Variants in ASCC3 observed in about 807,000 individuals in gnomAD.
ASCC3 encodes activating signal cointegrator 1 complex subunit 3.
Under a neutral mutation model 256.3 loss-of-function variants are expected in ASCC3, and 158 were observed. The ratio of observed to expected loss-of-function variants is 0.62; its 90% CI spans 0.54 to 0.70. The LOEUF (loss-of-function observed/expected upper bound fraction) is 0.70. Ranked by LOEUF, ASCC3 falls within the 30% of genes least tolerant of loss-of-function variation. The pLI is 0.00. For synonymous variants in ASCC3, 948 were observed against 883.4 expected (o/e 1.07, Z -1.30); for missense variants, 2,259 against 2,626.0 (o/e 0.86, Z 3.05).
chr6:100,527,826 CTTCT>C (rs1774659701), intron 37 of ASCC3, among the ~76,000 whole-genome samples: 1 of 151,564 alleles, frequency 6.6e-6, no homozygotes, highest in African/African-American at 2.4e-5. Context: ...ACACACACAT[CTTCT>C]TTGTTTTTTT....
At chr6:100,770,702 T>A (rs1320200345) in intron 8 of ASCC3, among the ~76,000 whole-genome samples, 2 of 152,006 alleles carry the variant, frequency 1.3e-5, no homozygotes, top group Non-Finnish European at 2.9e-5. Flanking sequence ...CAATGAAATA[T>A]CTGAAAGCAA....
intron 4 of ASCC3, among the ~76,000 whole-genome samples, chr6:100,820,277 A>G (rs1562320545): frequency 1.5e-5 from 2 of 132,374 alleles, no homozygotes; most frequent in Admixed American, 8.1e-5. Context: ...AGAGTGTAGT[A>G]CCAGCATGAG....
At chr6:100,817,943 CAT>C (rs1228788450) in intron 4 of ASCC3, among the ~76,000 whole-genome samples, 2 of 152,194 alleles carry the variant, frequency 1.3e-5, no homozygotes, top group African/African-American at 4.8e-5. Flanking sequence ...ATCAGATAAA[CAT>C]ATCACCAGAA....
chr6:100,774,704 T>A (rs986415467), intron 8 of ASCC3, among the ~76,000 whole-genome samples: 1 of 152,010 alleles, frequency 6.6e-6, no homozygotes, highest in African/African-American at 2.4e-5. Context: ...GTCTTGCTGG[T>A]CTTGCTCAGA....
intron 37 of ASCC3, among the ~76,000 whole-genome samples, chr6:100,534,009 G>A (rs1353626200): frequency 6.6e-6 from 1 of 152,216 alleles, no homozygotes; most frequent in Admixed American, 6.5e-5. Context: ...AGGGCTGGGC[G>A]TGGTGGCTCA....
At chr6:100,614,343 G>T (rs1270047570) in intron 30 of ASCC3, among the ~76,000 whole-genome samples, 1 of 152,052 alleles carries the variant, frequency 6.6e-6, no homozygotes, top group Non-Finnish European at 1.5e-5. Flanking sequence ...ACAAATATAA[G>T]ATCAGATTTT....
chr6:100,732,961 T>C (rs1414410817), intron 10 of ASCC3, among the ~76,000 whole-genome samples: 2 of 151,992 alleles, frequency 1.3e-5, no homozygotes, highest in African/African-American at 4.8e-5. Flanking sequence ...CTAACAACAT[T>C]AGAAAAAAGA....
At chr6:100,583,750 C>G (rs1433035373) in intron 36 of ASCC3, among the ~76,000 whole-genome samples, 1 of 152,120 alleles carries the variant, frequency 6.6e-6, no homozygotes, top group Non-Finnish European at 1.5e-5. Context: ...CCTCTACACA[C>G]TGCTTTGAAT....
intron 10 of ASCC3, among the ~76,000 whole-genome samples, chr6:100,761,471 G>A (rs1305906871): frequency 6.6e-6 from 1 of 152,210 alleles, no homozygotes; most frequent in East Asian, 1.9e-4. Context: ...CTTGGTGACA[G>A]AGTGAGACCT....
intron 4 of ASCC3, among the ~76,000 whole-genome samples, chr6:100,809,181 A>G (rs1394520107): frequency 1.3e-5 from 2 of 151,896 alleles, no homozygotes; most frequent in Non-Finnish European, 2.9e-5. Flanking sequence ...TTCAAAAAAA[A>G]AAATAGTATT....
chr6:100,776,079 T>G (rs4571568), intron 8 of ASCC3, among the ~76,000 whole-genome samples: 1 of 151,854 alleles, frequency 6.6e-6, no homozygotes, highest in Non-Finnish European at 1.5e-5. Flanking sequence ...TACATGCTAA[T>G]AATATTTATT....
intron 8 of ASCC3, among the ~76,000 whole-genome samples, chr6:100,773,090 T>C (rs1292630000): frequency 1.3e-5 from 2 of 152,162 alleles, no homozygotes; most frequent in Admixed American, 6.5e-5. Context: ...TTGAGAAAGC[T>C]TGTTTAAGTT....
chr6:100,608,128 A>G (rs1356451822), intron 30 of ASCC3, among the ~76,000 whole-genome samples: 1,228 of 120,524 alleles, frequency 0.01, 41 homozygotes, highest in African/African-American at 0.038. Context: ...CTATATATAC[A>G]TATATATGTA....
intron 3 of ASCC3, among the ~76,000 whole-genome samples, chr6:100,862,895 A>AAGAT (rs1460159449): frequency 1.3e-5 from 2 of 152,216 alleles, no homozygotes; most frequent in African/African-American, 4.8e-5. Flanking sequence ...AAAGGGATCT[A>AAGAT]CCATCATTAA....
At chr6:100,634,517 A>G (rs534233768) in intron 25 of ASCC3, among the ~76,000 whole-genome samples, 220 of 152,308 alleles carry the variant, frequency 1.4e-3, no homozygotes, top group Non-Finnish European at 2.4e-3. Flanking sequence ...TTATAATCCA[A>G]AATAGAAACT....
intron 36 of ASCC3, among the ~76,000 whole-genome samples, chr6:100,575,264 C>T (rs191529252): frequency 3.9e-4 from 59 of 152,046 alleles, no homozygotes; most frequent in African/African-American, 1.1e-3. Flanking sequence ...ACTGGCTTGT[C>T]CTTTTTATTT....
chr6:100,569,548 A>C (rs1770476241), intron 36 of ASCC3, among the ~76,000 whole-genome samples: 1 of 151,762 alleles, frequency 6.6e-6, no homozygotes, highest in Non-Finnish European at 1.5e-5. Context: ...ATGCCAGGCT[A>C]ATTTTTTGTA....
intron 39 of ASCC3, among the ~76,000 whole-genome samples, chr6:100,514,811 G>C (rs928560212): frequency 6.6e-6 from 1 of 152,066 alleles, no homozygotes; most frequent in Non-Finnish European, 1.5e-5. Context: ...ATACTGATGG[G>C]GTAGAAGATG....
At chr6:100,523,967 C>G (rs1562092422) in intron 37 of ASCC3, among the ~76,000 whole-genome samples, 1 of 152,020 alleles carries the variant, frequency 6.6e-6, no homozygotes. Context: ...TATTATTGCA[C>G]AGATTATACA....
Sources: allele counts gnomAD v4.1 joint callset (sites outside exome capture counted in the v4.1 genomes callset), GRCh38; gene constraint gnomAD v4.1.1; transcripts MANE v1.5; gene names NCBI Gene and HGNC (gene_info 2026-07-23, HGNC 2026-07-21).